The following MAGEA11 variants were observed in gnomAD, a reference collection of about 807,000 sequenced individuals.
The protein encoded by MAGEA11 is MAGE family member A11.
In MAGEA11, 1 loss-of-function variant was observed where a neutral mutation model predicts 8.4. The observed-to-expected ratio is 0.12, with a 90% CI of 0.04 to 0.57. The LOEUF (loss-of-function observed/expected upper bound fraction) is 0.57, where lower values mean the gene tolerates loss of function less well. Among genes scored for constraint, MAGEA11 ranks in the 20% least tolerant of loss-of-function variants. The pLI is 0.91. For missense variants in MAGEA11, 209 were observed against 317.3 expected, an observed-to-expected ratio of 0.66 and a Z score of 2.59; for synonymous variants, 127 against 119.3, an observed-to-expected ratio of 1.06 and a Z score of -0.42.
rs781985679 is a variant in MAGEA11 at position 149,714,548 on chromosome X, A to T, written c.164A>T (p.Gln55Leu). 3 of 1,211,354 alleles carry T rather than the reference A, an allele frequency of 2.5e-6. No homozygotes were observed. The highest frequency in any genetic ancestry group is 3.4e-6 in the Non-Finnish European group (3 of 895,281). The stretch of plus-strand genomic sequence containing the variant: ...AGAGCCCCATATGGTCCACAACTAC[A>T]GTGGTCCCAGGATCTGCCAAGAGTC... The part of the protein sequence containing the change: ...TERAPYGPQL[Q>L]WSQDLPRVQV... Residue 55 changes from glutamine (Q) to leucine (L), a missense_variant, in exon 3 of 5, where the codon CAG becomes CTG. Physicochemically the swap from Gln to Leu is moderately radical, Grantham distance 113. Transcript: ENST00000355220.
chrX:149,705,101 A>T (rs893142746), intron 1 of MAGEA11, among the ~76,000 whole-genome samples: 3 of 112,674 alleles, frequency 2.7e-5, no homozygotes, highest in African/African-American at 9.7e-5. Context: ...GATCAAGGAT[A>T]AAAGGAGACC....
chrX:149,708,947 T>C (rs1557361690), upstream of MAGEA11, among the ~76,000 whole-genome samples: 1 of 107,533 alleles, frequency 9.3e-6, no homozygotes, highest in Non-Finnish European at 1.9e-5. Flanking sequence ...CATAATATCA[T>C]GCCATTAAAT....
chrX:149,697,502 G>A (rs782609177), intron 1 of MAGEA11, among the ~76,000 whole-genome samples: 17 of 110,500 alleles, frequency 1.5e-4, no homozygotes, highest in South Asian at 3.9e-4. Flanking sequence ...AGGTCTTTTC[G>A]AGGCTGATGG....
intron 1 of MAGEA11, among the ~76,000 whole-genome samples, chrX:149,691,240 A>AT (rs1233071687): frequency 9.1e-6 from 1 of 110,401 alleles, no homozygotes; most frequent in Non-Finnish European, 1.9e-5. Context: ...TTCCTCAAGT[A>AT]TTTTTTTATC....
At chrX:149,713,416 C>A in intron 2 of MAGEA11, 161 bp downstream of exon 2, 2 of 383,680 alleles carry the variant, frequency 5.2e-6, no homozygotes, top group African/African-American at 2.6e-5. Context: ...CTCAGGCAAC[C>A]AATTATCCCT....
chrX:149,715,938 T>C lies in MAGEA11; in HGVS notation c.452T>C (p.Phe151Ser), dbSNP rs782076616. 4 of 1,209,151 alleles carry C rather than the reference T, an allele frequency of 3.3e-6. No homozygotes were observed. The highest frequency in any genetic ancestry group is 4.4e-5 in the Admixed American group (2 of 45,698). ...LQAEEQEAAF[F>S]SSTLNVGTLE... ...GCTGAGGAGCAGGAGGCTGCCTTCT[T>C]CTCCTCTACTCTGAATGTGGGCACT... The change falls in exon 5 of 5, where the codon TTC becomes TCC. Residue 151 changes from phenylalanine (F) to serine (S), a missense_variant. Coordinates refer to ENST00000355220, the MANE Select transcript of MAGEA11 (RefSeq NM_005366.5).
At chrX:149,711,229 T>C (rs782576236), upstream of MAGEA11, among the ~76,000 whole-genome samples, 2 of 111,837 alleles carry the variant, frequency 1.8e-5, no homozygotes, top group African/African-American at 6.5e-5. Context: ...ACCATTAGAG[T>C]GAAATAGGCA....
At chrX:149,714,657 G>T (rs1557362278) in intron 3 of MAGEA11, 81 bp downstream of exon 3, 3 of 1,160,778 alleles carry the variant, frequency 2.6e-6, no homozygotes, top group Non-Finnish European at 3.5e-6. Context: ...TGCCCCTGCT[G>T]TCTCCCCAGA....
At chrX:149,706,492 A>G (rs899503879) in intron 1 of MAGEA11, among the ~76,000 whole-genome samples, 1 of 112,451 alleles carries the variant, frequency 8.9e-6, no homozygotes. Flanking sequence ...AAAGTAAGTC[A>G]TCATTATAGT....
intron 1 of MAGEA11, among the ~76,000 whole-genome samples, chrX:149,703,427 G>T (rs1557361165): frequency 1.8e-5 from 2 of 112,101 alleles, no homozygotes; most frequent in Non-Finnish European, 3.8e-5. Flanking sequence ...GGCAGCCAGG[G>T]TCAGGCACAG....
At chrX:149,692,917 G>T (rs1557360270) in intron 1 of MAGEA11, among the ~76,000 whole-genome samples, 1 of 111,988 alleles carries the variant, frequency 8.9e-6, no homozygotes, top group East Asian at 2.8e-4. Context: ...TGCCATCCAT[G>T]TAAGATGTGA....
intron 1 of MAGEA11, among the ~76,000 whole-genome samples, chrX:149,701,740 T>C (rs918070009): frequency 6.3e-5 from 7 of 111,136 alleles, no homozygotes; most frequent in African/African-American, 2.0e-4. Context: ...AATTAATTTT[T>C]GTATAAGGTG....
intron 1 of MAGEA11, among the ~76,000 whole-genome samples, chrX:149,712,430 G>A (rs1211343483): frequency 8.9e-6 from 1 of 112,296 alleles, no homozygotes; most frequent in East Asian, 2.8e-4. Flanking sequence ...CATCCTGATA[G>A]AGGGGCCACA....
At chrX:149,699,793 T>C (rs782555186) in intron 1 of MAGEA11, among the ~76,000 whole-genome samples, 3 of 111,421 alleles carry the variant, frequency 2.7e-5, no homozygotes, top group Non-Finnish European at 5.7e-5. Flanking sequence ...CACACCACTA[T>C]AAAGAATATT....
At position 149,702,233 on chromosome X, in the gene MAGEA11, C is replaced by G. The variant is rs191280594; in HGVS notation, c.10-12248C>G. On this transcript the variant is annotated intron_variant, in intron 1 of 3. Coordinates refer to the MAGEA11 transcript ENST00000333104. ...TGAAATATTCTATAGTCATGGCGAC[C>G]TTCTATCTTGTTATACCTTTATTGA... Among the ~76,000 whole-genome samples, 271 of 111,402 alleles carry G rather than the reference C, an allele frequency of 2.4e-3. 4 individuals carry two copies. The highest frequency in any genetic ancestry group is 0.016 in the South Asian group (42 of 2,665).
chrX:149,700,048 C>G (rs1335226078), intron 1 of MAGEA11, among the ~76,000 whole-genome samples: 1 of 112,023 alleles, frequency 8.9e-6, no homozygotes. Context: ...ATGGGGGGAC[C>G]CTCCCCCATG....
chrX:149,711,236 G>A (rs1200380359), upstream of MAGEA11, among the ~76,000 whole-genome samples: 2 of 112,404 alleles, frequency 1.8e-5, no homozygotes, highest in Non-Finnish European at 3.8e-5. Context: ...GAGTGAAATA[G>A]GCAGTTAGGT....
upstream of MAGEA11, among the ~76,000 whole-genome samples, chrX:149,688,640 G>GTACATA (rs1343868067): frequency 9.6e-6 from 1 of 104,196 alleles, no homozygotes; most frequent in African/African-American, 3.7e-5. Flanking sequence ...ATATATGTAT[G>GTACATA]TACATATACA....
At chrX:149,700,194 G>A in intron 1 of MAGEA11, among the ~76,000 whole-genome samples, 1 of 112,458 alleles carries the variant, frequency 8.9e-6, no homozygotes, top group Non-Finnish European at 1.9e-5. Flanking sequence ...GATATGTTTA[G>A]TTATAAGCTC....
Sources: gnomAD v4.1 joint callset for allele counts (sites outside exome capture counted in the v4.1 genomes callset) on GRCh38, gnomAD v4.1.1 for gene constraint, MANE v1.5 for transcripts, NCBI Gene and HGNC (gene_info 2026-07-23, HGNC 2026-07-21) for gene names.